PRORP: variants seen among roughly 807,000 people sequenced by gnomAD.
The protein encoded by PRORP is protein only RNase P catalytic subunit.
PRORP carries 51 observed loss-of-function variants against 59.4 expected under a neutral mutation model. That is an observed-to-expected ratio of 0.86 (90% CI 0.69 to 1.08). The LOEUF (loss-of-function observed/expected upper bound fraction) is 1.08. Ranked by LOEUF, PRORP falls within the 50% of genes least tolerant of loss-of-function variation. The pLI is 0.00. For missense variants in PRORP, 646 were observed against 690.3 expected, an observed-to-expected ratio of 0.94 and a Z score of 0.72; for synonymous variants, 231 against 245.6, an observed-to-expected ratio of 0.94 and a Z score of 0.55.
At chr14:35,211,155 A>G (rs542410595) in intron 5 of PRORP, among the ~76,000 whole-genome samples, 1 of 152,328 alleles carries the variant, frequency 6.6e-6, no homozygotes, top group African/African-American at 2.4e-5. Context: ...TGATATACAT[A>G]TATAGGATTG....
intron 5 of PRORP, among the ~76,000 whole-genome samples, chr14:35,183,219 C>G (rs569447791): frequency 8.2e-6 from 1 of 122,524 alleles, no homozygotes; most frequent in Non-Finnish European, 1.8e-5. Context: ...CACATACATA[C>G]ATACACACAC....
chr14:35,256,071 G>A (rs1213199162), intron 5 of PRORP, among the ~76,000 whole-genome samples: 5 of 151,750 alleles, frequency 3.3e-5, no homozygotes, highest in Admixed American at 2.6e-4. Flanking sequence ...GGATCACGAG[G>A]TCAGGAGTTT....
rs767591034 is a variant in PRORP at position 35,127,466 on chromosome 14, A to G, written c.1035-13A>G. ...CATATTTAAATATTATTATTTAACA[A>G]TTATAATTACAGTGGCCAGTGTTCG... On this transcript the variant is annotated splice_polypyrimidine_tract_variant and intron_variant, in intron 3 of 7. Coordinates refer to ENST00000534898, the MANE Select transcript of PRORP (RefSeq NM_014672.4). 1 of 1,525,514 alleles carries G rather than the reference A, an allele frequency of 6.6e-7. No individual in the cohort carries two copies. The highest frequency in any genetic ancestry group is 8.8e-7 in the Non-Finnish European group (1 of 1,140,876). The allele number at this position is 1,525,514 out of a possible 1,614,324, so 94.5% of individuals were successfully genotyped here.
At chr14:35,188,031 T>C (rs1352263619) in intron 5 of PRORP, among the ~76,000 whole-genome samples, 1 of 150,376 alleles carries the variant, frequency 6.6e-6, no homozygotes, top group Non-Finnish European at 1.5e-5. Flanking sequence ...TGTGTTTTTA[T>C]TAGAGACAGG....
chr14:35,228,210 T>C (rs2049985316), intron 5 of PRORP, among the ~76,000 whole-genome samples: 1 of 152,178 alleles, frequency 6.6e-6, no homozygotes, highest in Non-Finnish European at 1.5e-5. Flanking sequence ...TTTTAAAAGA[T>C]AATAGCCAGC....
intron 5 of PRORP, among the ~76,000 whole-genome samples, chr14:35,261,101 G>A (rs956322127): frequency 6.6e-6 from 1 of 152,162 alleles, no homozygotes; most frequent in Non-Finnish European, 1.5e-5. Flanking sequence ...TTTGGCTAGA[G>A]AGAACAAGCC....
intron 5 of PRORP, among the ~76,000 whole-genome samples, chr14:35,189,149 T>C (rs1480050568): frequency 6.6e-6 from 1 of 152,158 alleles, no homozygotes; most frequent in Non-Finnish European, 1.5e-5. Flanking sequence ...CCTATTTATT[T>C]GTTTAACCTG....
chr14:35,237,273 C>T lies in PRORP; in HGVS notation c.1276-29454C>T, dbSNP rs138164790. Among the ~76,000 whole-genome samples, 265 of 151,894 alleles carry T rather than the reference C, an allele frequency of 1.7e-3. 1 individual carries two copies. Among genetic ancestry groups the T allele is most frequent in the African/African-American group, 6.1e-3 (252 of 41,460 alleles). On this transcript the variant is annotated intron_variant, in intron 5 of 7. Coordinates refer to ENST00000534898, the MANE Select transcript of PRORP (RefSeq NM_014672.4). ...ACATCCAACTAATTTTTAAATTTTT[C>T]GTAGAGACAAAGTCTCCCTATGTTG...
chr14:35,221,152 G>T (rs891276668), intron 5 of PRORP, among the ~76,000 whole-genome samples: 1 of 152,198 alleles, frequency 6.6e-6, no homozygotes, highest in Non-Finnish European at 1.5e-5. Flanking sequence ...AGGGGAGAAC[G>T]CAAGGTGGTT....
chr14:35,269,170 AC>A (rs2051123774), intron 6 of PRORP, among the ~76,000 whole-genome samples: 1 of 152,120 alleles, frequency 6.6e-6, no homozygotes, highest in African/African-American at 2.4e-5. Context: ...CTCTTGTGTA[AC>A]TTTTATGGGG....
chr14:35,169,576 A>G (rs2048265440), intron 4 of PRORP, among the ~76,000 whole-genome samples: 1 of 152,192 alleles, frequency 6.6e-6, no homozygotes, highest in East Asian at 1.9e-4. Flanking sequence ...ATGTGAGAGC[A>G]CAGGAAAAAC....
chr14:35,252,425 CA>C (rs1263350230), intron 5 of PRORP, among the ~76,000 whole-genome samples: 3 of 152,164 alleles, frequency 2.0e-5, no homozygotes, highest in African/African-American at 7.2e-5. Context: ...AACCCTGTCT[CA>C]AAAACAAAAA....
chr14:35,252,079 A>G (rs1250413292), intron 5 of PRORP, among the ~76,000 whole-genome samples: 1 of 152,180 alleles, frequency 6.6e-6, no homozygotes, highest in Non-Finnish European at 1.5e-5. Flanking sequence ...CTGACATTTC[A>G]ATTATGTTTC....
At chr14:35,166,274 A>G (rs2048182181) in intron 4 of PRORP, among the ~76,000 whole-genome samples, 1 of 150,888 alleles carries the variant, frequency 6.6e-6, no homozygotes, top group South Asian at 2.1e-4. Context: ...CTGCTGTTGC[A>G]TTTTTTTTCA....
chr14:35,207,526 T>C (rs1243152979), intron 5 of PRORP, among the ~76,000 whole-genome samples: 1 of 152,220 alleles, frequency 6.6e-6, no homozygotes, highest in Non-Finnish European at 1.5e-5. Context: ...TACTATTCCA[T>C]GTTGCTACAG....
Position 35,153,363 on chromosome 14 carries a change from A to C in PRORP, c.1167+25752A>C, listed in dbSNP as rs188347989. Among the ~76,000 whole-genome samples the C allele has an allele frequency of 5.2e-3, 797 of 151,966 alleles. 8 individuals are homozygous for C. The highest frequency in any genetic ancestry group is 0.018 in the African/African-American group (756 of 41,438). On this transcript the variant is annotated intron_variant, in intron 4 of 7. Transcript: ENST00000534898. ...CAGTACAGTCCAGCTTCAGCTCCGC[A>C]TCAGAGGGAGACGGTGGAAAGAGAG...
chr14:35,169,867 A>C (rs1384429968), intron 4 of PRORP, among the ~76,000 whole-genome samples: 1 of 152,226 alleles, frequency 6.6e-6, no homozygotes, highest in Admixed American at 6.5e-5. Context: ...TTGTCTTCGA[A>C]GTCCTCACTG....
chr14:35,216,147 ACAT>A, intron 5 of PRORP, among the ~76,000 whole-genome samples: 1 of 58,492 alleles, frequency 1.7e-5, no homozygotes, highest in South Asian at 5.0e-4. Flanking sequence ...TTTATATAAT[ACAT>A]TTATATTAGA....
At chr14:35,219,156 C>T (rs1230574729) in intron 5 of PRORP, 1 of 152,204 alleles carries the variant, frequency 6.6e-6, no homozygotes, top group African/African-American at 2.4e-5. Context: ...TGACCTTACT[C>T]CTGTCCTGTG....
Sources: allele counts gnomAD v4.1 joint callset (sites outside exome capture counted in the v4.1 genomes callset), GRCh38; gene constraint gnomAD v4.1.1; transcripts MANE v1.5; gene names NCBI Gene and HGNC (gene_info 2026-07-23, HGNC 2026-07-21).